The following KNSTRN variants were observed in gnomAD, a reference collection of about 807,000 sequenced individuals.
KNSTRN encodes the protein small kinetochore-associated protein.
KNSTRN carries 38 observed loss-of-function variants against 44.7 expected under a neutral mutation model. That is an observed-to-expected ratio of 0.85 (90% CI 0.66 to 1.11). KNSTRN has a LOEUF of 1.11. Ranked by LOEUF, KNSTRN falls within the 50% of genes most tolerant of loss-of-function variation. KNSTRN has a pLI of 0.00. For missense variants in KNSTRN, 406 were observed against 375.8 expected (o/e 1.08, Z -0.66); for synonymous variants, 158 against 148.1 (o/e 1.07, Z -0.48).
Position 40,382,807 on chromosome 15 carries a change from C to T in KNSTRN, c.-29C>T. ...CCAACACCTTTCGCTAGGTCTGGCT[C>T]TGGCCTCTGAGCGAACCTTCCGTAC... is the stretch of plus-strand genomic sequence containing the variant. On this transcript the variant is annotated 5_prime_UTR_variant, in exon 1 of 9. Coordinates refer to ENST00000249776, the MANE Select transcript of KNSTRN (RefSeq NM_033286.4). 1 of 1,598,436 alleles carries T rather than the reference C, an allele frequency of 6.3e-7. No individual in the cohort carries two copies. The highest frequency in any genetic ancestry group is 8.5e-7 in the Non-Finnish European group (1 of 1,172,564).
rs1328589992 is a variant in KNSTRN, at chr15:40,386,423, T to A, written c.366T>A (p.Val122=). 6.2e-7 allele frequency: 1 copy of A among 1,613,922 alleles called. No individual in the cohort carries two copies. The highest frequency in any genetic ancestry group is 2.2e-5 in the East Asian group (1 of 44,878). The change falls in exon 3 of 9, where the codon GTT becomes GTA. Residue 122 remains valine, a synonymous_variant. Transcript: ENST00000249776. ...CTGTTAGGTCCAAAGAAGTCGATGT[T>A]TCCAAACAGCTTCATTCAGGAGGTC... is the stretch of plus-strand genomic sequence containing the variant. The part of the protein sequence containing the change: ...LLPVRSKEVD[V]SKQLHSGGPE...
chr15:40,393,188 T>G (rs1284290985), intron 8 of KNSTRN: 2 of 1,613,808 alleles, frequency 1.2e-6, no homozygotes, highest in Admixed American at 1.7e-5. Flanking sequence ...TCTGGACTGT[T>G]TCAGATTGCT....
intron 7 of KNSTRN, 36 bp downstream of exon 7, chr15:40,391,590 G>A: frequency 6.6e-7 from 1 of 1,525,788 alleles, no homozygotes; most frequent in Non-Finnish European, 9.1e-7. Context: ...CAAGGGCTGA[G>A]TGACTGTGGG....
intron 7 of KNSTRN, 99 bp from the exon 8 acceptor site, chr15:40,391,850 T>C (rs1158611258): frequency 1.1e-6 from 1 of 900,308 alleles, no homozygotes; most frequent in Non-Finnish European, 1.7e-6. Context: ...CTCTCCTGAC[T>C]CCTTTGTTGA....
At chr15:40,391,000 G>C (rs1040375974) in intron 6 of KNSTRN, among the ~76,000 whole-genome samples, 1 of 151,984 alleles carries the variant, frequency 6.6e-6, no homozygotes, top group Admixed American at 6.6e-5. Context: ...TCGCTATGTT[G>C]CCCAGGCTGG....
intron 8 of KNSTRN, among the ~76,000 whole-genome samples, chr15:40,392,647 G>A (rs749099113): frequency 2.0e-5 from 3 of 152,202 alleles, no homozygotes; most frequent in African/African-American, 4.8e-5. Context: ...TCTCACTGTT[G>A]TCCCCCAGGC....
chr15:40,387,733 C>T (rs2141273925), intron 4 of KNSTRN, among the ~76,000 whole-genome samples: 1 of 152,172 alleles, frequency 6.6e-6, no homozygotes, highest in Middle Eastern at 3.4e-3. Context: ...GACAGCAGGG[C>T]ACACCAGCTC....
chr15:40,383,652 T>C (rs1030183931), intron 2 of KNSTRN, among the ~76,000 whole-genome samples: 2 of 152,258 alleles, frequency 1.3e-5, no homozygotes, highest in Admixed American at 1.3e-4. Context: ...AGACTTGGGC[T>C]ATCTTGAGGG....
In KNSTRN at chr15:40,391,509, C is replaced by A; in HGVS notation, c.702C>A (p.Thr234=). The change falls in exon 7 of 9, where the codon ACC becomes ACA. Residue 234 remains threonine, a synonymous_variant. Transcript: ENST00000249776. ...KGLDPALGSE[T]LASRQESTTD... ...ATCCATCAGCTTTAGGCAGTGAGAC[C>A]CTGGCATCACGACAAGAATCCACTA... 1 of 1,613,810 alleles carries A rather than the reference C, an allele frequency of 6.2e-7. No homozygotes were observed. Among genetic ancestry groups the A allele is most frequent in the Non-Finnish European group, 8.5e-7 (1 of 1,179,874 alleles).
At chr15:40,385,543 C>T (rs1371771800) in intron 2 of KNSTRN, among the ~76,000 whole-genome samples, 1 of 152,198 alleles carries the variant, frequency 6.6e-6, no homozygotes, top group East Asian at 1.9e-4. Flanking sequence ...ATTTATTCAA[C>T]AAGCAGTTAT....
intron 6 of KNSTRN, among the ~76,000 whole-genome samples, chr15:40,391,034 A>G (rs1282436515): frequency 6.6e-6 from 1 of 152,312 alleles, no homozygotes; most frequent in South Asian, 2.1e-4. Context: ...GGCTCAAGCA[A>G]TCCTCCCAAA....
intron 3 of KNSTRN, chr15:40,386,932 C>T: frequency 1.7e-6 from 1 of 583,060 alleles, no homozygotes; most frequent in South Asian, 2.0e-5. Context: ...ACAGCTCTGT[C>T]AGGTTGTTAG....
At position 40,393,554 on chromosome 15, in the gene KNSTRN, T is replaced by A. The variant is rs1460975827; in HGVS notation, c.908T>A (p.Leu303Ter). The A allele has an allele frequency of 6.2e-6, 10 of 1,614,052 alleles. No homozygotes were observed. Among genetic ancestry groups the A allele is most frequent in the Non-Finnish European group, 6.8e-6 (8 of 1,179,968 alleles). The change falls in exon 9 of 9, where the codon TTA becomes TAA. Residue 303 changes from leucine (L) to a stop codon, truncating the protein, a stop_gained. Transcript: ENST00000249776. LOFTEE classifies it high-confidence loss of function. Reference protein sequence around the residue: ...QTLCNNQVNDLTTALKEMEQL... With the variant: ...QTLCNNQVND ...TTATGTAACAATCAAGTAAATGATT[T>A]AACAACAGCCCTTAAGGAAATGGAG...
chr15:40,390,551 C>A (rs1241699868), intron 6 of KNSTRN, among the ~76,000 whole-genome samples: 2 of 151,844 alleles, frequency 1.3e-5, no homozygotes, highest in African/African-American at 4.8e-5. Context: ...GGGCCCAGGC[C>A]TTTTTGTATT....
At chr15:40,386,739 A>T (rs1889909321) in intron 3 of KNSTRN, 1 of 535,296 alleles carries the variant, frequency 1.9e-6, no homozygotes, top group Non-Finnish European at 3.3e-6. Flanking sequence ...TGAGCATACA[A>T]GTGGCAGCAC....
chr15:40,392,291 A>G (rs1427111298), intron 8 of KNSTRN, among the ~76,000 whole-genome samples: 1 of 151,856 alleles, frequency 6.6e-6, no homozygotes, highest in Non-Finnish European at 1.5e-5. Context: ...AGATCATCCC[A>G]TCACCTAGGT....
chr15:40,391,858 T>G, intron 7 of KNSTRN, 91 bp from the exon 8 acceptor site: 20 of 995,042 alleles, frequency 2.0e-5, no homozygotes, highest in South Asian at 3.1e-5. Context: ...ACTCCTTTGT[T>G]GAGAACTGTG....
chr15:40,388,702 A>T (rs1025914483), intron 4 of KNSTRN, among the ~76,000 whole-genome samples: 8 of 152,254 alleles, frequency 5.3e-5, no homozygotes, highest in Admixed American at 4.6e-4. Context: ...CTCAAAAAAA[A>T]AAAAAAATGC....
Position 40,386,378 on chromosome 15 carries a change from C to T in KNSTRN, c.321C>T (p.Ala107=), listed in dbSNP as rs1372437218. 2.5e-6 allele frequency: 4 copies of T among 1,613,594 alleles called. 1 individual carries two copies. The South Asian group carries it at 4.4e-5, about 18-fold the overall frequency. Residue 107 remains alanine, a synonymous_variant, in exon 3 of 9, where the codon GCC becomes GCT. Coordinates refer to ENST00000249776, the MANE Select transcript of KNSTRN (RefSeq NM_033286.4). ...CCTTTGCAGACACACAAACTCGGGCCACTTCTAAGAGTCTCTTACCTGTTA... is the reference window on the plus strand; with the variant it reads ...CCTTTGCAGACACACAAACTCGGGCTACTTCTAAGAGTCTCTTACCTGTTA... ...GGQPADTQTR[A]TSKSLLPVRS...
Sources: allele counts gnomAD v4.1 joint callset (sites outside exome capture counted in the v4.1 genomes callset), GRCh38; gene constraint gnomAD v4.1.1; transcripts MANE v1.5; gene names NCBI Gene and HGNC (gene_info 2026-07-23, HGNC 2026-07-21).